The following CHFR variants were observed in gnomAD, a reference collection of about 807,000 sequenced individuals.
CHFR encodes the protein E3 ubiquitin-protein ligase CHFR.
In CHFR, 57 loss-of-function variants were observed where a neutral mutation model predicts 87.6. The ratio of observed to expected loss-of-function variants is 0.65; its 90% CI spans 0.53 to 0.81. The LOEUF is 0.81. CHFR is among the 30% of genes least tolerant of loss of function. CHFR has a pLI of 0.00. For synonymous variants in CHFR, 381 were observed against 359.2 expected (o/e 1.06, Z -0.69); for missense variants, 797 against 865.8 (o/e 0.92, Z 1.00).
At position 132,859,109 on chromosome 12, in the gene CHFR, C is replaced by T; in HGVS notation, c.870G>A (p.Leu290=). The T allele has an allele frequency of 6.2e-7, 1 of 1,614,108 alleles. No individual in the cohort carries two copies. The highest frequency in any genetic ancestry group is 1.6e-4 in the Middle Eastern group (1 of 6,062). Reference sequence around the variant, plus strand: ...GCAGGTCCTGGCAGATGATGCATGTCAGCGTCTCCTCCATCTTGTCTGGCT... The same window carrying T: ...GCAGGTCCTGGCAGATGATGCATGTTAGCGTCTCCTCCATCTTGTCTGGCT... The part of the protein sequence containing the change: ...AGKPDKMEET[L]TCIICQDLLH... The change falls in exon 8 of 18, where the codon CTG becomes CTA. Residue 290 remains leucine (L), a synonymous_variant. Transcript: ENST00000450056.
At chr12:132,876,753 T>C (rs758622551) in intron 3 of CHFR, among the ~76,000 whole-genome samples, 13 of 152,182 alleles carry the variant, frequency 8.5e-5, no homozygotes, top group Non-Finnish European at 1.5e-4. Flanking sequence ...TTCTAATACC[T>C]TGGGAGCCTA....
At position 132,847,109 on chromosome 12, in the gene CHFR, A is replaced by T. The variant is rs2306537; in HGVS notation, c.1669T>A (p.Leu557Met). The change falls in exon 15 of 18, where the codon TTG becomes ATG. Residue 557 changes from leucine (L) to methionine (M), a missense_variant. Coordinates refer to ENST00000450056, the MANE Select transcript of CHFR (RefSeq NM_001161346.2). ...ILKNYLATRG[L>M]TWKNMLTESL... is the part of the protein sequence containing the mutation. ...TCGGTCAACATGTTTTTCCATGTCA[A>T]ACCTCTGGTTGCCAGGTAATTCTGT... 5 of 1,613,670 alleles carry T rather than the reference A, an allele frequency of 3.1e-6. No homozygotes were observed. The African/African-American group carries it at 6.7e-5, about 22-fold the overall frequency.
At chr12:132,858,807 A>G (rs528650161) in intron 8 of CHFR, among the ~76,000 whole-genome samples, 1 of 147,380 alleles carries the variant, frequency 6.8e-6, no homozygotes, top group Non-Finnish European at 1.5e-5. Flanking sequence ...AGCCAGGCAT[A>G]GTGGTGTGCA....
At position 132,857,546 on chromosome 12, in the gene CHFR, T is replaced by C. The variant is rs987211916; in HGVS notation, c.925A>G (p.Met309Val). 4 of 1,614,032 alleles carry C rather than the reference T, an allele frequency of 2.5e-6. No homozygotes were observed. The highest frequency in any genetic ancestry group is 1.7e-6 in the Non-Finnish European group (2 of 1,179,956). Residue 309 changes from methionine (M) to valine (V), a missense_variant, in exon 9 of 18, where the codon ATG becomes GTG. Met to Val is a conservative substitution (Grantham distance 21). Transcript: ENST00000450056. Reference protein sequence around the residue: ...LHDCVSLQPCMHTFCAACYSG... With the variant: ...LHDCVSLQPCVHTFCAACYSG... Reference sequence around the variant, plus strand: ...TAGCAAGCCGCGCAGAACGTGTGCATGCAGGGCTGCAAACTGAAAGTGCAA... The same window carrying C: ...TAGCAAGCCGCGCAGAACGTGTGCACGCAGGGCTGCAAACTGAAAGTGCAA...
chr12:132,876,048 T>C (rs928166680), intron 3 of CHFR, among the ~76,000 whole-genome samples: 1 of 151,422 alleles, frequency 6.6e-6, no homozygotes, highest in East Asian at 2.0e-4. Context: ...TGGTAGTGTG[T>C]GCCTACAATG....
chr12:132,882,706 GTT>G (rs11287044), intron 2 of CHFR, among the ~76,000 whole-genome samples: 14 of 145,678 alleles, frequency 9.6e-5, no homozygotes, highest in South Asian at 2.2e-4. Context: ...AGAACATCAG[GTT>G]TTTTTTTTTT....
intron 8 of CHFR, among the ~76,000 whole-genome samples, chr12:132,858,793 A>C (rs1301336934): frequency 6.7e-6 from 1 of 149,208 alleles, no homozygotes; most frequent in South Asian, 2.1e-4. Context: ...AAAAAAAAAA[A>C]GTCAGCCAGG....
intron 2 of CHFR, among the ~76,000 whole-genome samples, chr12:132,879,254 C>T (rs1951710413): frequency 6.6e-6 from 1 of 151,998 alleles, no homozygotes; most frequent in Admixed American, 6.6e-5. Flanking sequence ...CTCAGCCTCC[C>T]AAAGTGTTGG....
chr12:132,886,853 A>T (rs931643951), intron 2 of CHFR, among the ~76,000 whole-genome samples: 3 of 152,166 alleles, frequency 2.0e-5, no homozygotes, highest in Admixed American at 6.5e-5. Context: ...GTGGTGTTTC[A>T]TGTCCACATA....
rs759439729 is a variant in CHFR at position 132,853,600 on chromosome 12, T to C, written c.1230-27A>G. On this transcript the variant is annotated intron_variant, in intron 10 of 17. Coordinates refer to ENST00000450056, the MANE Select transcript of CHFR (RefSeq NM_001161346.2). Reference sequence around the variant, plus strand: ...TGCAAGGAAGCACAGGGCCGAGCTGTGTGCAGGCCCCAAGCCTCTCAGGTA... The same window carrying C: ...TGCAAGGAAGCACAGGGCCGAGCTGCGTGCAGGCCCCAAGCCTCTCAGGTA... 43 of 1,509,878 alleles carry C rather than the reference T, an allele frequency of 2.8e-5. No individual in the cohort carries two copies. The East Asian group carries it at 6.0e-4, about 21-fold the overall frequency. 93.5% of individuals were successfully genotyped at this position (1,509,878 alleles called of 1,614,324 possible).
At position 132,847,137 on chromosome 12, in the gene CHFR, C is replaced by G. The variant is rs373015296; in HGVS notation, c.1648-7G>C. On this transcript the variant is annotated splice_polypyrimidine_tract_variant and splice_region_variant and intron_variant, in intron 14 of 17. Transcript: ENST00000450056. ...CTCTGGTTGCCAGGTAATTCTGTGA[C>G]GCAAAAAAAGAGAGGAATAAGAAAT... 4.3e-6 allele frequency: 7 copies of G among 1,609,542 alleles called. No individual in the cohort carries two copies. Among genetic ancestry groups the G allele is most frequent in the Middle Eastern group, 3.3e-4 (2 of 6,030 alleles).
intron 2 of CHFR, among the ~76,000 whole-genome samples, chr12:132,885,167 T>G (rs928565387): frequency 6.6e-6 from 1 of 151,876 alleles, no homozygotes; most frequent in African/African-American, 2.4e-5. Context: ...CCCAGCACTT[T>G]GGGAGGCTGA....
At chr12:132,849,654 G>A (rs2136937596) in intron 12 of CHFR, 1 of 151,346 alleles carries the variant, frequency 6.6e-6, no homozygotes. Context: ...GGAGTATAGT[G>A]GAGCAATCTC....
intron 10 of CHFR, among the ~76,000 whole-genome samples, chr12:132,855,449 G>A (rs1393313480): frequency 6.6e-5 from 10 of 151,698 alleles, no homozygotes; most frequent in Non-Finnish European, 4.4e-5. Flanking sequence ...GGCGGATCAC[G>A]AGGTCAGGAG....
At chr12:132,870,137 G>C (rs1011982933) in intron 5 of CHFR, among the ~76,000 whole-genome samples, 4 of 152,082 alleles carry the variant, frequency 2.6e-5, no homozygotes, top group African/African-American at 4.8e-5. Context: ...TAGATCACGA[G>C]GTCAGGAGAT....
At chr12:132,866,374 C>G (rs1763463043) in intron 6 of CHFR, 1 of 151,442 alleles carries the variant, frequency 6.6e-6, no homozygotes, top group African/African-American at 2.4e-5. Context: ...CACACCAACA[C>G]ACCGGAATGT....
chr12:132,865,394 G>A (rs574253332), intron 6 of CHFR, among the ~76,000 whole-genome samples: 2 of 151,668 alleles, frequency 1.3e-5, no homozygotes, highest in African/African-American at 4.8e-5. Flanking sequence ...CTGGTCTGTC[G>A]CCCAGGCTGG....
intron 4 of CHFR, among the ~76,000 whole-genome samples, chr12:132,871,628 C>T (rs12306797): frequency 0.14 from 20,968 of 151,056 alleles, 1,876 homozygotes; most frequent in South Asian, 0.22. Context: ...AAAAATGAGC[C>T]GGGCGTGGTG....
intron 12 of CHFR, among the ~76,000 whole-genome samples, chr12:132,850,165 G>C (rs966162025): frequency 6.6e-5 from 10 of 152,152 alleles, no homozygotes; most frequent in African/African-American, 2.4e-4. Context: ...ATGTTAGCCA[G>C]GATGGTCTTG....
Sources: gnomAD v4.1 joint callset for allele counts (sites outside exome capture counted in the v4.1 genomes callset) on GRCh38, gnomAD v4.1.1 for gene constraint, MANE v1.5 for transcripts, NCBI Gene and HGNC (gene_info 2026-07-23, HGNC 2026-07-21) for gene names.